Variants in GNG2 observed in about 807,000 individuals in gnomAD.
The protein encoded by GNG2 is G protein subunit gamma 2.
GNG2 carries 5 observed loss-of-function variants against 5.5 expected under a neutral mutation model. The observed-to-expected ratio is 0.91, with a 90% CI of 0.48 to 1.92. GNG2 has a LOEUF of 1.92. Among genes scored for constraint, GNG2 ranks in the 30% most tolerant of loss-of-function variants. GNG2 has a pLI of 0.01. For missense variants in GNG2, 55 were observed against 88.4 expected (o/e 0.62, Z 1.52); for synonymous variants, 28 against 32.0 (o/e 0.88, Z 0.42).
At chr14:51,860,210 G>A (rs1051253693), upstream of GNG2, among the ~76,000 whole-genome samples, 2 of 136,934 alleles carry the variant, frequency 1.5e-5, no homozygotes, top group Non-Finnish European at 3.2e-5. Context: ...CTGGCCAGGG[G>A]ATGTTGACCC....
chr14:51,876,596 T>G (rs1883684793), intron 1 of GNG2, among the ~76,000 whole-genome samples: 1 of 152,168 alleles, frequency 6.6e-6, no homozygotes, highest in South Asian at 2.1e-4. Flanking sequence ...AAATAAGTTG[T>G]TTTTAGCCCT....
intron 2 of GNG2, among the ~76,000 whole-genome samples, chr14:51,883,199 G>T (rs886329088): frequency 3.9e-5 from 6 of 152,074 alleles, no homozygotes; most frequent in Non-Finnish European, 7.4e-5. Flanking sequence ...GGGTTTGCAG[G>T]TAATCCTTGG....
rs143773819 is a variant in GNG2, at chr14:51,840,853, C to G, written c.64+13046C>G. Among the ~76,000 whole-genome samples the G allele has an allele frequency of 8.7e-3, 1,332 of 152,266 alleles. 61 individuals carry two copies. The highest frequency in any genetic ancestry group is 0.076 in the Admixed American group (1,166 of 15,298). On this transcript the variant is annotated intron_variant, in intron 2 of 3. Coordinates refer to the GNG2 transcript ENST00000553432. ...TTAGTTATGTTAGATAAGCAAATCC[C>G]TGAAGCTTCTCCTACCTTACAATAT...
At chr14:51,834,244 C>T (rs1881274850) in intron 2 of GNG2, among the ~76,000 whole-genome samples, 2 of 152,312 alleles carry the variant, frequency 1.3e-5, no homozygotes, top group African/African-American at 2.4e-5. Flanking sequence ...GCGATGCAAA[C>T]GCCTCCTTAC....
intron 2 of GNG2, among the ~76,000 whole-genome samples, chr14:51,895,335 A>C (rs373834444): frequency 6.6e-6 from 1 of 152,212 alleles, no homozygotes; most frequent in Non-Finnish European, 1.5e-5. Context: ...TAATAGGTGA[A>C]AGTACTTGAG....
intron 3 of GNG2, among the ~76,000 whole-genome samples, chr14:51,959,559 C>T (rs1031070886): frequency 6.6e-6 from 1 of 152,062 alleles, no homozygotes; most frequent in Non-Finnish European, 1.5e-5. Flanking sequence ...ATTCTGAATC[C>T]CTGTTGCCCT....
chr14:51,922,802 T>C (rs1032486036), intron 2 of GNG2, among the ~76,000 whole-genome samples: 1 of 152,102 alleles, frequency 6.6e-6, no homozygotes, highest in Non-Finnish European at 1.5e-5. Flanking sequence ...TGTTTGCTGG[T>C]ATGTGTTTCC....
At chr14:51,890,102 A>G (rs79366534) in intron 2 of GNG2, among the ~76,000 whole-genome samples, 1 of 152,320 alleles carries the variant, frequency 6.6e-6, no homozygotes, top group South Asian at 2.1e-4. Flanking sequence ...CATGGGTACA[A>G]CTTTGGTTTC....
chr14:51,887,116 G>T (rs1884512937), intron 2 of GNG2, among the ~76,000 whole-genome samples: 1 of 152,172 alleles, frequency 6.6e-6, no homozygotes. Flanking sequence ...TCAGTTGTTT[G>T]TGTGGTGAAA....
upstream of GNG2, among the ~76,000 whole-genome samples, chr14:51,856,886 A>G (rs1226752847): frequency 6.6e-6 from 1 of 152,232 alleles, no homozygotes; most frequent in East Asian, 1.9e-4. Flanking sequence ...ATGGATTTCT[A>G]TAGAAAATTT....
rs148382361 is a variant in GNG2, at chr14:51,913,855, C to A, written c.-30+36198C>A. Among the ~76,000 whole-genome samples, 133 of 152,274 alleles carry A rather than the reference C, an allele frequency of 8.7e-4. 4 individuals carry two copies. The East Asian group carries it at 0.022, about 26-fold the overall frequency. On this transcript the variant is annotated intron_variant, in intron 2 of 3. Coordinates refer to ENST00000556766, the MANE Select transcript of GNG2 (RefSeq NM_053064.5). ...ATTCTCCCTTAAAACTGACCACCAA[C>A]AATGAAAATGTTGCATGTATATAAT...
At chr14:51,937,470 T>G (rs1437396178) in intron 2 of GNG2, among the ~76,000 whole-genome samples, 1 of 152,160 alleles carries the variant, frequency 6.6e-6, no homozygotes, top group East Asian at 1.9e-4. Flanking sequence ...ATGTAAGCAC[T>G]CCAAGGTGGG....
intron 2 of GNG2, among the ~76,000 whole-genome samples, chr14:51,831,077 TG>T (rs1291608383): frequency 6.6e-6 from 1 of 152,206 alleles, no homozygotes; most frequent in African/African-American, 2.4e-5. Flanking sequence ...ATACTTGCCA[TG>T]TTCTCTAACT....
At chr14:51,841,582 C>A (rs1167399952) in intron 2 of GNG2, 1 of 701,074 alleles carries the variant, frequency 1.4e-6, no homozygotes, top group Non-Finnish European at 2.6e-6. Context: ...GGTAATCTGG[C>A]TTTGAAGTCC....
intron 1 of GNG2, among the ~76,000 whole-genome samples, chr14:51,866,536 A>G (rs545321192): frequency 1.2e-3 from 181 of 152,162 alleles, no homozygotes; most frequent in South Asian, 3.5e-3. Flanking sequence ...GTCACAAATT[A>G]CCAAAGATGA....
rs973830138 is a variant in GNG2 at position 51,844,270 on chromosome 14, A to C, written c.64+16463A>C. On this transcript the variant is annotated intron_variant, in intron 2 of 3. Coordinates refer to the GNG2 transcript ENST00000553432. ...ATTTGATTCTCTGTCATAACTCATA[A>C]GTCGTCACTTGTGTTTATTAAAACA... is the stretch of plus-strand genomic sequence containing the variant. 2.6e-5 allele frequency among the ~76,000 whole-genome samples: 4 copies of C among 152,184 alleles called. No homozygotes were observed. The South Asian group carries it at 8.3e-4, about 31-fold the overall frequency.
chr14:51,967,848 C>T lies in GNG2; in HGVS notation c.*1161C>T. 1 of 151,902 alleles carries T rather than the reference C, an allele frequency of 6.6e-6. No individual in the cohort carries two copies. The highest frequency in any genetic ancestry group is 1.5e-5 in the Non-Finnish European group (1 of 68,004). 9.4% of individuals were successfully genotyped at this position (151,902 alleles called of 1,614,324 possible). A position where few individuals can be genotyped will look rare whatever the true frequency, so the allele number is the denominator to read the frequency against. ...TGTGCTCTTAACAAGAAAACCATGG[C>T]CCTCCTTTGTTCAAGTATCAGAAGA... On this transcript the variant is annotated 3_prime_UTR_variant, in exon 4 of 4. Transcript: ENST00000556766.
chr14:51,899,458 T>C lies in GNG2; in HGVS notation c.-30+21801T>C, dbSNP rs142855173. Among the ~76,000 whole-genome samples, 277 of 152,364 alleles carry C rather than the reference T, an allele frequency of 1.8e-3. 1 individual carries two copies. The highest frequency in any genetic ancestry group is 6.4e-3 in the African/African-American group (265 of 41,588). ...TTTTTAAAGTATGGTAAAATACCTG[T>C]AGCATAAAACTTACCATCATAACCA... On this transcript the variant is annotated intron_variant, in intron 2 of 3. Coordinates refer to ENST00000556766, the MANE Select transcript of GNG2 (RefSeq NM_053064.5).
At chr14:51,855,290 G>A (rs1265784151) in intron 2 of GNG2, among the ~76,000 whole-genome samples, 4 of 152,142 alleles carry the variant, frequency 2.6e-5, no homozygotes, top group Non-Finnish European at 5.9e-5. Context: ...TTTCGTGCTG[G>A]GCCGTGAGAC....
Sources: gnomAD v4.1 joint callset for allele counts (sites outside exome capture counted in the v4.1 genomes callset) on GRCh38, gnomAD v4.1.1 for gene constraint, MANE v1.5 for transcripts, NCBI Gene and HGNC (gene_info 2026-07-23, HGNC 2026-07-21) for gene names.